The following STRN variants were observed in gnomAD, a reference collection of about 807,000 sequenced individuals.
The protein encoded by STRN is protein phosphatase 2 regulatory subunit B'''alpha.
Under a neutral mutation model 96.3 loss-of-function variants are expected in STRN, and 53 were observed. That is an observed-to-expected ratio of 0.55 (90% CI 0.44 to 0.69). STRN has a LOEUF of 0.69. Among genes scored for constraint, STRN ranks in the 30% least tolerant of loss-of-function variants. STRN has a pLI of 0.00. For synonymous variants in STRN, 428 were observed against 355.9 expected, an observed-to-expected ratio of 1.20 and a Z score of -2.28; for missense variants, 987 against 963.9, an observed-to-expected ratio of 1.02 and a Z score of -0.32.
chr2:36,856,512 GAAT>G (rs1380233812), intron 14 of STRN, among the ~76,000 whole-genome samples: 1 of 152,040 alleles, frequency 6.6e-6, no homozygotes, highest in African/African-American at 2.4e-5. Context: ...TTATAATGAA[GAAT>G]AAAAGCAAGA....
chr2:36,841,528 A>G lies in STRN; in HGVS notation c.*7928T>C, dbSNP rs1245460180. ...TCTGAAATACGTGGGCTATCGAAAA[A>G]GATGTAAGTACATTTTAAAAATGTT... On this transcript the variant is annotated 3_prime_UTR_variant, in exon 18 of 18. Coordinates refer to ENST00000263918, the MANE Select transcript of STRN (RefSeq NM_003162.4). The G allele has an allele frequency of 6.6e-6, 1 of 152,204 alleles. No homozygotes were observed. The highest frequency in any genetic ancestry group is 1.5e-5 in the Non-Finnish European group (1 of 68,026). 9.4% of individuals were successfully genotyped at this position (152,204 alleles called of 1,614,324 possible).
At chr2:36,861,401 G>C (rs1331494032) in intron 12 of STRN, 148 bp from the exon 13 acceptor site, 1 of 1,096,814 alleles carries the variant, frequency 9.1e-7, no homozygotes, top group Non-Finnish European at 1.3e-6. Flanking sequence ...TCAAAGCACT[G>C]TTCATTTTTC....
intron 1 of STRN, among the ~76,000 whole-genome samples, chr2:36,946,121 C>T (rs1455073069): frequency 6.7e-6 from 1 of 150,292 alleles, no homozygotes; most frequent in African/African-American, 2.5e-5. Context: ...GTATAAATAC[C>T]GGAAATATTT....
At chr2:36,919,984 C>T (rs573719072) in intron 2 of STRN, among the ~76,000 whole-genome samples, 1 of 152,242 alleles carries the variant, frequency 6.6e-6, no homozygotes, top group Non-Finnish European at 1.5e-5. Context: ...TTCGGTTTTA[C>T]TTTTGGATCC....
chr2:36,877,518 C>G (rs1668945212), intron 10 of STRN, among the ~76,000 whole-genome samples: 1 of 152,200 alleles, frequency 6.6e-6, no homozygotes, highest in Non-Finnish European at 1.5e-5. Context: ...CCTTCATTTT[C>G]TATAAAATCA....
At chr2:36,855,394 C>G (rs1668319739) in intron 14 of STRN, 42 bp from the exon 15 acceptor site, 1 of 1,601,732 alleles carries the variant, frequency 6.2e-7, no homozygotes, top group Non-Finnish European at 8.5e-7. Context: ...ATTAAACCAT[C>G]TACTTGACAA....
intron 9 of STRN, among the ~76,000 whole-genome samples, chr2:36,878,516 T>A (rs139508179): frequency 2.3e-4 from 35 of 152,138 alleles, no homozygotes; most frequent in Non-Finnish European, 7.3e-5. Context: ...TATGTGGCGT[T>A]ATAAGTCAGG....
At position 36,869,566 on chromosome 2, in the gene STRN, G is replaced by A. The variant is rs200928385; in HGVS notation, c.1487C>T (p.Ala496Val). Reference protein sequence around the residue: ...TLKMWNLQKTAPAKKSTSLDV... With the variant: ...TLKMWNLQKTVPAKKSTSLDV... ...AGAATATTCTCACTTTTTGGCTGGG[G>A]CTGTTTTCTGTAAATTCCACATTTT... The change falls in exon 11 of 18, where the codon GCC becomes GTC. Residue 496 changes from alanine (A) to valine (V), a missense_variant. Coordinates refer to ENST00000263918, the MANE Select transcript of STRN (RefSeq NM_003162.4). The A allele has an allele frequency of 5.8e-5, 90 of 1,558,024 alleles. No homozygotes were observed. The highest frequency in any genetic ancestry group is 1.6e-5 in the Non-Finnish European group (18 of 1,151,278).
chr2:36,871,066 T>C (rs1323773667), intron 10 of STRN, among the ~76,000 whole-genome samples: 1 of 152,220 alleles, frequency 6.6e-6, no homozygotes, highest in Non-Finnish European at 1.5e-5. Context: ...AGCTATACAA[T>C]GTGTTTGTGC....
At chr2:36,871,429 T>C (rs987788248) in intron 10 of STRN, among the ~76,000 whole-genome samples, 35 of 152,334 alleles carry the variant, frequency 2.3e-4, no homozygotes, top group African/African-American at 8.2e-4. Context: ...GCCTACAGTA[T>C]AGTAACATGC....
chr2:36,858,005 C>T lies in STRN; in HGVS notation c.1688G>A (p.Gly563Asp). 1.2e-6 allele frequency: 2 copies of T among 1,604,192 alleles called. No homozygotes were observed. Among genetic ancestry groups the T allele is most frequent in the Admixed American group, 1.7e-5 (1 of 58,574 alleles). ...TGCATCCGTGTGGCCTAGCAGAGGG[C>T]CTCGTAAAACAGAAGGATCTATACA... ...YDSYDPSVLR[G>D]PLLGHTDAVW... The change falls in exon 14 of 18, where the codon GGC becomes GAC. Residue 563 changes from glycine to aspartate, a missense_variant. Transcript: ENST00000263918.
intron 3 of STRN, among the ~76,000 whole-genome samples, chr2:36,909,927 C>A (rs1669920539): frequency 1.3e-5 from 2 of 152,072 alleles, no homozygotes; most frequent in South Asian, 4.1e-4. Flanking sequence ...AATCCCAGCA[C>A]TTTGGGAGGC....
chr2:36,951,825 C>A (rs1216404437), intron 1 of STRN, among the ~76,000 whole-genome samples: 1 of 152,180 alleles, frequency 6.6e-6, no homozygotes, highest in Non-Finnish European at 1.5e-5. Context: ...CGATATGGGT[C>A]CATGGCCTGT....
chr2:36,966,190 A>G, intron 1 of STRN, 40 bp downstream of exon 1: 2 of 1,498,578 alleles, frequency 1.3e-6, no homozygotes, highest in Non-Finnish European at 1.8e-6. Flanking sequence ...AAGGGAGCAA[A>G]GAGGCGGGAT....
chr2:36,958,269 G>A (rs891841661), intron 1 of STRN, among the ~76,000 whole-genome samples: 1 of 151,936 alleles, frequency 6.6e-6, no homozygotes, highest in African/African-American at 2.4e-5. Context: ...GGTAAACTAA[G>A]GATACAAGGG....
intron 6 of STRN, among the ~76,000 whole-genome samples, chr2:36,897,376 C>T (rs1347415309): frequency 1.3e-5 from 2 of 150,614 alleles, no homozygotes; most frequent in Non-Finnish European, 3.0e-5. Context: ...AAAAAATAAG[C>T]AAAACTGTTA....
At chr2:36,860,036 A>T (rs1668436772) in intron 13 of STRN, among the ~76,000 whole-genome samples, 1 of 152,224 alleles carries the variant, frequency 6.6e-6, no homozygotes, top group Non-Finnish European at 1.5e-5. Context: ...AACAGAAGGC[A>T]GAGACGGAAA....
At chr2:36,952,656 ACAGAAAATGCT>A (rs1290883366) in intron 1 of STRN, among the ~76,000 whole-genome samples, 1 of 152,254 alleles carries the variant, frequency 6.6e-6, no homozygotes, top group Non-Finnish European at 1.5e-5. Flanking sequence ...TACCTGGCAC[ACAGAAAATGCT>A]CAATAAATGA....
intron 1 of STRN, among the ~76,000 whole-genome samples, chr2:36,961,066 T>C (rs889691700): frequency 1.3e-5 from 2 of 150,346 alleles, no homozygotes; most frequent in African/African-American, 2.5e-5. Context: ...CCAGCTAACT[T>C]TGTGAATTTT....
Sources: allele counts gnomAD v4.1 joint callset (sites outside exome capture counted in the v4.1 genomes callset), GRCh38; gene constraint gnomAD v4.1.1; transcripts MANE v1.5; gene names NCBI Gene and HGNC (gene_info 2026-07-23, HGNC 2026-07-21).